KCNMA1: variants seen among roughly 807,000 people sequenced by gnomAD.
The protein encoded by KCNMA1 is potassium calcium-activated channel subfamily M alpha 1, also known as Calcium-activated potassium channel subunit alpha-1.
Under a neutral mutation model 140.0 loss-of-function variants are expected in KCNMA1, and 29 were observed. The observed-to-expected ratio is 0.21, with a 90% CI of 0.15 to 0.28. KCNMA1 has a LOEUF of 0.28. Ranked by LOEUF, KCNMA1 falls within the 10% of genes least tolerant of loss-of-function variation. The probability of loss-of-function intolerance (pLI) is 1.00; values close to 1 mark genes in which losing one functional copy is unlikely to be tolerated. For synonymous variants in KCNMA1, 612 were observed against 611.9 expected, an observed-to-expected ratio of 1.00 and a Z score of 0.00; for missense variants, 880 against 1,602.2, an observed-to-expected ratio of 0.55 and a Z score of 7.70.
intron 1 of KCNMA1, among the ~76,000 whole-genome samples, chr10:77,467,971 C>T (rs1165897046): frequency 6.6e-6 from 1 of 152,174 alleles, no homozygotes; most frequent in Admixed American, 6.5e-5. Context: ...TTGAATAGTA[C>T]AATCATATTG....
intron 1 of KCNMA1, among the ~76,000 whole-genome samples, chr10:77,457,988 T>C (rs1056599852): frequency 3.9e-5 from 6 of 152,136 alleles, no homozygotes; most frequent in African/African-American, 1.5e-4. Context: ...CATCAAATCA[T>C]GCTCTTGCTC....
chr10:77,143,398 A>AGTCC (rs1439702661), intron 5 of KCNMA1, among the ~76,000 whole-genome samples: 1 of 152,164 alleles, frequency 6.6e-6, no homozygotes, highest in Non-Finnish European at 1.5e-5. Context: ...GCCCCCCAAA[A>AGTCC]AGACAAGTTG....
chr10:76,993,571 G>A (rs1476404818), intron 19 of KCNMA1, among the ~76,000 whole-genome samples: 1 of 152,180 alleles, frequency 6.6e-6, no homozygotes, highest in Non-Finnish European at 1.5e-5. Context: ...CCTTCTGAAG[G>A]CTTCTCAGAA....
intron 2 of KCNMA1, among the ~76,000 whole-genome samples, chr10:77,379,076 T>C (rs1048122377): frequency 6.6e-6 from 1 of 152,218 alleles, no homozygotes; most frequent in African/African-American, 2.4e-5. Context: ...ATGTTTCATT[T>C]GATGTTTGGC....
At chr10:77,348,900 CCT>C (rs1457313331) in intron 2 of KCNMA1, among the ~76,000 whole-genome samples, 1 of 151,750 alleles carries the variant, frequency 6.6e-6, no homozygotes, top group Admixed American at 6.6e-5. Flanking sequence ...AAGCCACATC[CCT>C]CTCTCTCTCA....
chr10:77,127,113 C>T (rs2097760203), intron 5 of KCNMA1, among the ~76,000 whole-genome samples: 1 of 76,342 alleles, frequency 1.3e-5, no homozygotes. Context: ...CACACACACA[C>T]ACACACAGAG....
intron 2 of KCNMA1, among the ~76,000 whole-genome samples, chr10:77,262,435 T>C (rs1377682778): frequency 6.6e-6 from 1 of 152,132 alleles, no homozygotes; most frequent in Non-Finnish European, 1.5e-5. Flanking sequence ...AATTATTGTT[T>C]AATGGGTACA....
chr10:77,035,508 T>C (rs890347892), intron 15 of KCNMA1, among the ~76,000 whole-genome samples: 2 of 150,226 alleles, frequency 1.3e-5, no homozygotes, highest in African/African-American at 5.1e-5. Flanking sequence ...AATATTTTAC[T>C]TGGCATTTGT....
chr10:77,135,216 C>G (rs780676658), intron 5 of KCNMA1, among the ~76,000 whole-genome samples: 2 of 151,826 alleles, frequency 1.3e-5, no homozygotes, highest in Non-Finnish European at 2.9e-5. Flanking sequence ...AGAAGAAATG[C>G]AAATAGCCAA....
chr10:77,039,715 G>A lies in KCNMA1; in HGVS notation c.1750-78C>T, dbSNP rs549565406. 4.0e-5 allele frequency: 35 copies of A among 877,778 alleles called. No homozygotes were observed. The African/African-American group carries it at 4.6e-4, about 12-fold the overall frequency. 54.4% of individuals were successfully genotyped at this position (877,778 alleles called of 1,614,324 possible). A position where few individuals can be genotyped will look rare whatever the true frequency, so the allele number is the denominator to read the frequency against. On this transcript the variant is annotated intron_variant, in intron 14 of 27. Transcript: ENST00000286628. The stretch of plus-strand genomic sequence containing the variant: ...AAGGGAAACCTGAGTTACACTCTTA[G>A]GCAAACAAATGAATGCACTGGTTAG...
chr10:77,522,467 A>G (rs980866851), intron 1 of KCNMA1, among the ~76,000 whole-genome samples: 1 of 152,210 alleles, frequency 6.6e-6, no homozygotes, highest in Admixed American at 6.5e-5. Context: ...AAATTGAATA[A>G]CTGTCGGGAA....
chr10:76,933,391 AG>A (rs1459566908), intron 23 of KCNMA1, among the ~76,000 whole-genome samples: 1 of 152,186 alleles, frequency 6.6e-6, no homozygotes, highest in Non-Finnish European at 1.5e-5. Flanking sequence ...ACAATAGAAC[AG>A]GCTCTTCTTT....
At chr10:77,146,912 C>G (rs965034120) in intron 5 of KCNMA1, among the ~76,000 whole-genome samples, 3 of 152,038 alleles carry the variant, frequency 2.0e-5, no homozygotes, top group African/African-American at 7.2e-5. Flanking sequence ...GGATTGGTCC[C>G]CATTGAAATA....
At chr10:77,083,235 G>A (rs1292764674) in intron 12 of KCNMA1, among the ~76,000 whole-genome samples, 1 of 152,034 alleles carries the variant, frequency 6.6e-6, no homozygotes, top group Non-Finnish European at 1.5e-5. Flanking sequence ...TAACTCTTCT[G>A]CAATTTATGC....
intron 1 of KCNMA1, chr10:77,587,025 T>C (rs1487141724): frequency 1.3e-5 from 2 of 152,232 alleles, no homozygotes; most frequent in African/African-American, 4.8e-5. Flanking sequence ...AAGGAGAGCA[T>C]CCTTGTGTTA....
chr10:77,074,668 C>T (rs965289593), intron 13 of KCNMA1, among the ~76,000 whole-genome samples: 3 of 152,190 alleles, frequency 2.0e-5, no homozygotes, highest in African/African-American at 7.2e-5. Flanking sequence ...TATAAATGAA[C>T]TTCCTAAGGA....
chr10:77,369,386 A>AT (rs1177927812), intron 2 of KCNMA1, among the ~76,000 whole-genome samples: 16 of 152,054 alleles, frequency 1.1e-4, no homozygotes, highest in African/African-American at 3.6e-4. Flanking sequence ...AGGTGCTGGA[A>AT]TTTTTTCTAT....
At chr10:76,987,729 C>T (rs2081660706) in intron 19 of KCNMA1, among the ~76,000 whole-genome samples, 3 of 152,122 alleles carry the variant, frequency 2.0e-5, no homozygotes, top group African/African-American at 2.4e-5. Flanking sequence ...GAGAATAAGA[C>T]GCTTCTAGAG....
chr10:77,077,898 G>A (rs1410727935), intron 13 of KCNMA1: 3 of 152,168 alleles, frequency 2.0e-5, no homozygotes, highest in Non-Finnish European at 4.4e-5. Context: ...TGTGACCTTG[G>A]GTGCCCACCA....
Sources: allele counts gnomAD v4.1 joint callset (sites outside exome capture counted in the v4.1 genomes callset), GRCh38; gene constraint gnomAD v4.1.1; transcripts MANE v1.5; gene names NCBI Gene and HGNC (gene_info 2026-07-23, HGNC 2026-07-21).